The following CADPS2 variants were observed in gnomAD, a reference collection of about 807,000 sequenced individuals.
The protein encoded by CADPS2 is calcium-dependent secretion activator 2.
CADPS2 carries 93 observed loss-of-function variants against 172.5 expected under a neutral mutation model. That is an observed-to-expected ratio of 0.54 (90% CI 0.46 to 0.64). The LOEUF is 0.64. Ranked by LOEUF, CADPS2 falls within the 30% of genes least tolerant of loss-of-function variation. CADPS2 has a pLI of 0.00. For synonymous variants in CADPS2, 546 were observed against 555.2 expected, an observed-to-expected ratio of 0.98 and a Z score of 0.23; for missense variants, 1,420 against 1,565.9, an observed-to-expected ratio of 0.91 and a Z score of 1.57.
rs572516178 is a variant in CADPS2, at chr7:122,320,962, C to T, written c.3718-624G>A. Among the ~76,000 whole-genome samples the T allele has an allele frequency of 1.2e-3, 180 of 152,130 alleles. 1 individual carries two copies. The highest frequency in any genetic ancestry group is 1.9e-3 in the Non-Finnish European group (128 of 68,008). Reference sequence around the variant, plus strand: ...AGTGCCAAATTCTGACATAAAGCTTCCATAGATGGGACAGCAAAACAAGTA... The same window carrying T: ...AGTGCCAAATTCTGACATAAAGCTTTCATAGATGGGACAGCAAAACAAGTA... On this transcript the variant is annotated intron_variant, in intron 29 of 29. Coordinates refer to ENST00000449022, the MANE Select transcript of CADPS2 (RefSeq NM_017954.11).
chr7:122,744,860 C>T (rs181938216), intron 1 of CADPS2, among the ~76,000 whole-genome samples: 31 of 152,136 alleles, frequency 2.0e-4, no homozygotes, highest in African/African-American at 5.3e-4. Context: ...CATTGTCTGG[C>T]GTGGGCAGGG....
chr7:122,430,057 C>T lies in CADPS2; in HGVS notation c.2476+8284G>A, dbSNP rs188595673. Among the ~76,000 whole-genome samples the T allele has an allele frequency of 2.6e-5, 4 of 152,182 alleles. No individual in the cohort carries two copies. The East Asian group carries it at 5.8e-4, about 22-fold the overall frequency. ...ACAGTACAACTTCTCCTCTCAAAGA[C>T]AGTAGGCAGTCTGGGCCTCTGGGAA... On this transcript the variant is annotated intron_variant, in intron 17 of 29. Coordinates refer to ENST00000449022, the MANE Select transcript of CADPS2 (RefSeq NM_017954.11).
rs900826847 is a variant in CADPS2, at chr7:122,577,801, C to T, written c.1335+3378G>A. On this transcript the variant is annotated intron_variant, in intron 7 of 29. Transcript: ENST00000449022. ...GCAATGAGTAAGAGTTTCTGTTCTG[C>T]ATTCTCACAAGCACTGTCAGTTTTT... 6.6e-5 allele frequency among the ~76,000 whole-genome samples: 10 copies of T among 152,078 alleles called. No homozygotes were observed. The East Asian group carries it at 1.7e-3, about 26-fold the overall frequency.
At chr7:122,490,933 A>G (rs1028672788) in intron 10 of CADPS2, among the ~76,000 whole-genome samples, 2 of 152,232 alleles carry the variant, frequency 1.3e-5, no homozygotes, top group African/African-American at 4.8e-5. Context: ...AAGTACAAGC[A>G]TGTATTGTTG....
At chr7:122,692,866 G>A (rs1438581824) in intron 2 of CADPS2, among the ~76,000 whole-genome samples, 1 of 152,248 alleles carries the variant, frequency 6.6e-6, no homozygotes, top group Non-Finnish European at 1.5e-5. Flanking sequence ...TGGCTGCACA[G>A]CCTGCTCTCC....
chr7:122,340,882 G>A (rs1040746412), intron 28 of CADPS2, among the ~76,000 whole-genome samples: 1 of 149,780 alleles, frequency 6.7e-6, no homozygotes, highest in African/African-American at 2.4e-5. Flanking sequence ...AAGGACATTG[G>A]TGTAAGAGAG....
intron 1 of CADPS2, among the ~76,000 whole-genome samples, chr7:122,754,192 C>T (rs2138498504): frequency 6.6e-6 from 1 of 152,194 alleles, no homozygotes; most frequent in Admixed American, 6.5e-5. Flanking sequence ...TCAAAACTGT[C>T]CCTATTAACA....
intron 2 of CADPS2, among the ~76,000 whole-genome samples, chr7:122,721,467 C>T (rs1436112486): frequency 6.6e-6 from 1 of 152,114 alleles, no homozygotes; most frequent in Non-Finnish European, 1.5e-5. Context: ...TCAACACATA[C>T]ACCCTCCCAA....
intron 2 of CADPS2, among the ~76,000 whole-genome samples, chr7:122,732,642 T>C (rs574440354): frequency 6.8e-6 from 1 of 146,350 alleles, no homozygotes; most frequent in Non-Finnish European, 1.5e-5. Context: ...GGGGGTGTCT[T>C]TGTAATATAT....
At chr7:122,656,603 A>G (rs1234324603) in intron 3 of CADPS2, among the ~76,000 whole-genome samples, 2 of 152,130 alleles carry the variant, frequency 1.3e-5, no homozygotes, top group Non-Finnish European at 2.9e-5. Flanking sequence ...ATCAGATTAG[A>G]GGACACTCCA....
At chr7:122,591,707 G>A (rs2070836918) in intron 6 of CADPS2, among the ~76,000 whole-genome samples, 2 of 152,188 alleles carry the variant, frequency 1.3e-5, no homozygotes, top group Non-Finnish European at 1.5e-5. Flanking sequence ...TGTGATCTTT[G>A]ACAAACCTGA....
At chr7:122,581,134 G>A in intron 7 of CADPS2, 45 bp downstream of exon 7, 1 of 1,413,818 alleles carries the variant, frequency 7.1e-7, no homozygotes, top group Non-Finnish European at 1.0e-6. Context: ...ATCCAAAGAA[G>A]TTAAAACTGT....
intron 1 of CADPS2, among the ~76,000 whole-genome samples, chr7:122,815,339 A>T (rs896364842): frequency 2.6e-5 from 4 of 152,182 alleles, no homozygotes; most frequent in African/African-American, 9.7e-5. Flanking sequence ...GGTCCCAAGG[A>T]ATACTCAAGA....
intron 8 of CADPS2, among the ~76,000 whole-genome samples, chr7:122,531,092 T>G (rs555937788): frequency 6.6e-6 from 1 of 152,220 alleles, no homozygotes; most frequent in Non-Finnish European, 1.5e-5. Context: ...AGTGTCACAC[T>G]GCAGTAGAGA....
chr7:122,566,658 A>C (rs2066515256), intron 7 of CADPS2, among the ~76,000 whole-genome samples: 1 of 152,166 alleles, frequency 6.6e-6, no homozygotes, highest in Admixed American at 6.5e-5. Context: ...ATTTACTTCT[A>C]TTTCAGGTAG....
At chr7:122,325,641 T>G in intron 28 of CADPS2, 60 bp from the exon 29 acceptor site, 7 of 987,606 alleles carry the variant, frequency 7.1e-6, no homozygotes, top group African/African-American at 1.6e-5. Context: ...ACCTCTGCAG[T>G]ATTCATTTAA....
At chr7:122,746,057 T>C (rs998294419) in intron 1 of CADPS2, among the ~76,000 whole-genome samples, 4 of 152,098 alleles carry the variant, frequency 2.6e-5, no homozygotes, top group East Asian at 3.9e-4. Flanking sequence ...GCAGTAAAAA[T>C]AGACATCTAA....
intron 2 of CADPS2, among the ~76,000 whole-genome samples, chr7:122,673,954 T>C (rs1164990528): frequency 6.6e-6 from 1 of 151,630 alleles, no homozygotes; most frequent in Non-Finnish European, 1.5e-5. Context: ...CATGGCGGGC[T>C]GCAGGTCCCC....
At chr7:122,467,377 T>A (rs1465915407) in intron 14 of CADPS2, among the ~76,000 whole-genome samples, 1 of 152,184 alleles carries the variant, frequency 6.6e-6, no homozygotes, top group African/African-American at 2.4e-5. Flanking sequence ...TCTCTAAAAT[T>A]ACAGATTGGA....
Sources: allele counts gnomAD v4.1 joint callset (sites outside exome capture counted in the v4.1 genomes callset), GRCh38; gene constraint gnomAD v4.1.1; transcripts MANE v1.5; gene names NCBI Gene and HGNC (gene_info 2026-07-23, HGNC 2026-07-21).